CASQ2: variants seen among roughly 807,000 people sequenced by gnomAD.
CASQ2 encodes calsequestrin-2.
In CASQ2, 49 loss-of-function variants were observed where a neutral mutation model predicts 46.5. The observed-to-expected ratio is 1.05, with a 90% CI of 0.84 to 1.34. CASQ2 has a LOEUF of 1.34. CASQ2 is among the 40% of genes most tolerant of loss of function. The probability of loss-of-function intolerance (pLI) is 0.00; values close to 1 mark genes in which losing one functional copy is unlikely to be tolerated. For missense variants in CASQ2, 486 were observed against 481.3 expected, an observed-to-expected ratio of 1.01 and a Z score of -0.09; for synonymous variants, 174 against 168.5, an observed-to-expected ratio of 1.03 and a Z score of -0.25.
chr1:115,725,530 G>T lies in CASQ2; in HGVS notation c.761C>A (p.Pro254Gln). 6.2e-7 allele frequency: 1 copy of T among 1,602,634 alleles called. No homozygotes were observed. Residue 254 changes from proline to glutamine, a missense_variant, in exon 7 of 11, where the codon CCA becomes CAA. Transcript: ENST00000261448. ...HQRPTLRRLR[P>Q]EEMFETWEDD... ...TACCCATGTTTCAAACATTTCTTCT[G>T]GGCGCAGGCGACGTAGAGTGGGTCT...
Position 115,760,487 on chromosome 1 carries a change from C to A in CASQ2, c.234+7821G>T, listed in dbSNP as rs148386125. Among the ~76,000 whole-genome samples, 534 of 152,296 alleles carry A rather than the reference C, an allele frequency of 3.5e-3. 3 individuals are homozygous for A. The highest frequency in any genetic ancestry group is 0.012 in the African/African-American group (503 of 41,546). On this transcript the variant is annotated intron_variant, in intron 1 of 10. Transcript: ENST00000261448. ...TCTACTCACAGGTGCAATCATAACACACTGCAGCCTCAAACTCCTGGCCTA... is the reference window on the plus strand; with the variant it reads ...TCTACTCACAGGTGCAATCATAACAAACTGCAGCCTCAAACTCCTGGCCTA...
intron 2 of CASQ2, among the ~76,000 whole-genome samples, chr1:115,742,275 C>T (rs138629126): frequency 6.6e-6 from 1 of 151,890 alleles, no homozygotes; most frequent in Non-Finnish European, 1.5e-5. Context: ...CCGTGTCTGG[C>T]CCTGCCAGAT....
intron 1 of CASQ2, among the ~76,000 whole-genome samples, chr1:115,755,994 G>A (rs568400916): frequency 1.4e-4 from 22 of 152,202 alleles, no homozygotes; most frequent in Non-Finnish European, 2.5e-4. Context: ...TCTGTGTCTG[G>A]AGGATGCTTC....
rs1570835125 is a variant in CASQ2, at chr1:115,740,888, T to C, written c.320-60A>G. 9 of 1,192,790 alleles carry C rather than the reference T, an allele frequency of 7.5e-6. No individual in the cohort carries two copies. In the East Asian group the frequency reaches 1.7e-4, roughly 22 times the overall value. 73.9% of individuals were successfully genotyped at this position (1,192,790 alleles called of 1,614,324 possible). On this transcript the variant is annotated intron_variant, in intron 2 of 10. Coordinates refer to ENST00000261448, the MANE Select transcript of CASQ2 (RefSeq NM_001232.4). Reference sequence around the variant, plus strand: ...TCCTGACGTAGGAAGAGTGATTGTATTGGCTGAGGTCTGGCTGAGGGTTTC... The same window carrying C: ...TCCTGACGTAGGAAGAGTGATTGTACTGGCTGAGGTCTGGCTGAGGGTTTC...
At chr1:115,733,028 G>T in intron 4 of CASQ2, 54 bp from the exon 5 acceptor site, 1 of 1,291,712 alleles carries the variant, frequency 7.7e-7, no homozygotes, top group Non-Finnish European at 1.1e-6. Context: ...GAACACAGAA[G>T]AATCTTCTTT....
At chr1:115,732,434 C>T (rs192094444) in intron 5 of CASQ2, among the ~76,000 whole-genome samples, 4 of 152,316 alleles carry the variant, frequency 2.6e-5, no homozygotes, top group East Asian at 1.9e-4. Context: ...CCACCACGTC[C>T]CTTCCCTGCT....
At chr1:115,721,558 A>G (rs559448122) in intron 7 of CASQ2, among the ~76,000 whole-genome samples, 1 of 152,046 alleles carries the variant, frequency 6.6e-6, no homozygotes, top group African/African-American at 2.4e-5. Context: ...GGGGAAGTGG[A>G]TGTTGAAGAT....
chr1:115,712,672 C>T (rs76704473), intron 8 of CASQ2, among the ~76,000 whole-genome samples: 3,815 of 152,050 alleles, frequency 0.025, 173 homozygotes, highest in African/African-American at 0.086. Context: ...CACCCATAAT[C>T]CCAGCACTTT....
At chr1:115,735,495 C>T (rs1183387689) in intron 4 of CASQ2, among the ~76,000 whole-genome samples, 8 of 152,152 alleles carry the variant, frequency 5.3e-5, no homozygotes, top group East Asian at 1.9e-4. Context: ...GCAAGGGCTA[C>T]GTGAAATATA....
At chr1:115,760,302 C>T (rs9428225) in intron 1 of CASQ2, among the ~76,000 whole-genome samples, 81,307 of 152,034 alleles carry the variant, frequency 0.53, 22,457 homozygotes, top group South Asian at 0.61. Context: ...TGCCTACAAA[C>T]GACACAGGGA....
At chr1:115,709,238 C>G (rs10923234) in intron 8 of CASQ2, among the ~76,000 whole-genome samples, 2 of 152,082 alleles carry the variant, frequency 1.3e-5, no homozygotes, top group East Asian at 3.9e-4. Context: ...ACTGGCAAGT[C>G]CCCTGGAAAA....
At chr1:115,732,869 A>T in intron 5 of CASQ2, 32 bp downstream of exon 5, 1 of 1,499,726 alleles carries the variant, frequency 6.7e-7, no homozygotes, top group Non-Finnish European at 9.3e-7. Context: ...TGCCTACAAA[A>T]CTGTTCAAAT....
At chr1:115,714,307 C>G (rs769259431) in intron 8 of CASQ2, among the ~76,000 whole-genome samples, 2 of 152,126 alleles carry the variant, frequency 1.3e-5, no homozygotes, top group African/African-American at 4.8e-5. Flanking sequence ...AGATAGCCTG[C>G]TTGAATTTGA....
intron 4 of CASQ2, among the ~76,000 whole-genome samples, chr1:115,734,394 C>G (rs550988691): frequency 4.3e-4 from 65 of 152,326 alleles, no homozygotes; most frequent in African/African-American, 1.5e-3. Flanking sequence ...GAAAGAATGG[C>G]TTAGGCCTGT....
At chr1:115,723,366 G>A (rs1206784987) in intron 7 of CASQ2, among the ~76,000 whole-genome samples, 1 of 141,846 alleles carries the variant, frequency 7.0e-6, no homozygotes, top group African/African-American at 2.6e-5. Context: ...GTAGCTAGAA[G>A]GGATGGTAAA....
chr1:115,742,110 T>C (rs371590758), intron 2 of CASQ2, among the ~76,000 whole-genome samples: 23 of 152,068 alleles, frequency 1.5e-4, no homozygotes, highest in African/African-American at 5.1e-4. Context: ...TGCAGGGCCA[T>C]GATCATGGCT....
At chr1:115,721,160 G>C (rs1400018760) in intron 7 of CASQ2, among the ~76,000 whole-genome samples, 1 of 152,114 alleles carries the variant, frequency 6.6e-6, no homozygotes, top group Non-Finnish European at 1.5e-5. Flanking sequence ...AAAGTATTTT[G>C]TTGTTGCAAT....
intron 5 of CASQ2, among the ~76,000 whole-genome samples, chr1:115,730,583 A>G (rs945685444): frequency 3.3e-5 from 5 of 152,158 alleles, no homozygotes; most frequent in African/African-American, 7.2e-5. Flanking sequence ...TAGAACTCAT[A>G]ACCCCATCTC....
chr1:115,761,518 A>C (rs1278190047), intron 1 of CASQ2, among the ~76,000 whole-genome samples: 1 of 109,810 alleles, frequency 9.1e-6, no homozygotes, highest in Non-Finnish European at 1.9e-5. Flanking sequence ...GAAGAAGAAG[A>C]AGAAGAAGAA....
Sources: allele counts gnomAD v4.1 joint callset (sites outside exome capture counted in the v4.1 genomes callset), GRCh38; gene constraint gnomAD v4.1.1; transcripts MANE v1.5; gene names NCBI Gene and HGNC (gene_info 2026-07-23, HGNC 2026-07-21).